Variants in ANKH observed in about 807,000 individuals in gnomAD.
ANKH encodes mineralization regulator ANKH.
In ANKH, 15 loss-of-function variants were observed where a neutral mutation model predicts 49.0. That is an observed-to-expected ratio of 0.31 (90% CI 0.20 to 0.47). ANKH has a LOEUF of 0.47. Among genes scored for constraint, ANKH ranks in the 20% least tolerant of loss-of-function variants. ANKH has a pLI of 1.00. For synonymous variants in ANKH, 273 were observed against 260.0 expected (o/e 1.05, Z -0.48); for missense variants, 429 against 652.0 (o/e 0.66, Z 3.72).
chr5:14,724,334 C>CAAA lies in ANKH; in HGVS notation c.1012-7502_1012-7500dup, dbSNP rs35868498. 5.3e-5 allele frequency among the ~76,000 whole-genome samples: 8 copies of CAAA among 151,960 alleles called. No individual in the cohort carries two copies. In the East Asian group the frequency reaches 1.5e-3, roughly 29 times the overall value. The stretch of plus-strand genomic sequence containing the variant: ...CTCTGTCTCAAAACAACAACAACAA[C>CAAA]AAAATCACATAAAAAACCCCAAAAC... On this transcript the variant is annotated intron_variant, in intron 8 of 11. Transcript: ENST00000284268.
In ANKH at chr5:14,713,191, C is replaced by T. The variant is rs1017781037; in HGVS notation, c.1266-218G>A. On this transcript the variant is annotated intron_variant, in intron 10 of 11. Coordinates refer to ENST00000284268, the MANE Select transcript of ANKH (RefSeq NM_054027.6). The surrounding 1 kb of genome is among the most constrained non-coding windows in gnomAD (Gnocchi z 4.4). ...ACCTCCCTCCCACAGCACATGGATC[C>T]CACAGCCCTTCCCACCCTCCCCAGG... is the stretch of plus-strand genomic sequence containing the variant. 6.6e-6 allele frequency among the ~76,000 whole-genome samples: 1 copy of T among 152,160 alleles called. No individual in the cohort carries two copies. The highest frequency in any genetic ancestry group is 1.5e-5 in the Non-Finnish European group (1 of 68,018).
chr5:14,831,603 G>A (rs1490214991), intron 1 of ANKH, among the ~76,000 whole-genome samples: 1 of 152,064 alleles, frequency 6.6e-6, no homozygotes, highest in Non-Finnish European at 1.5e-5. Flanking sequence ...ATGCTCAAGG[G>A]GGGCCCTGCA....
intron 8 of ANKH, among the ~76,000 whole-genome samples, chr5:14,734,799 T>C (rs573560333): frequency 1.3e-4 from 20 of 152,240 alleles, no homozygotes; most frequent in African/African-American, 4.8e-4. Flanking sequence ...TACGTTCAAC[T>C]GAAAAATGAG....
At chr5:14,798,490 TA>T (rs1740462884) in intron 1 of ANKH, 8 of 894,892 alleles carry the variant, frequency 8.9e-6, no homozygotes, top group Admixed American at 3.9e-5. Flanking sequence ...ACGCGGTCTC[TA>T]TTTTTTTTTT....
chr5:14,813,317 T>C (rs1175987613), intron 1 of ANKH, among the ~76,000 whole-genome samples: 7 of 152,078 alleles, frequency 4.6e-5, no homozygotes, highest in Non-Finnish European at 1.0e-4. Flanking sequence ...GGTTTTGGAA[T>C]GATACAGGAT....
At chr5:14,823,677 A>T (rs1741258353) in intron 1 of ANKH, among the ~76,000 whole-genome samples, 1 of 152,242 alleles carries the variant, frequency 6.6e-6, no homozygotes, top group Non-Finnish European at 1.5e-5. Context: ...CTGTAATCCC[A>T]GCATTTTGGG....
In ANKH at chr5:14,708,719, C is replaced by G. The variant is rs1479757099; in HGVS notation, c.*2478G>C. 1.3e-5 allele frequency: 2 copies of G among 152,200 alleles called. No homozygotes were observed. Among genetic ancestry groups the G allele is most frequent in the Non-Finnish European group, 1.5e-5 (1 of 68,044 alleles). The allele number at this position is 152,200 out of a possible 1,614,324, so 9.4% of individuals were successfully genotyped here. Reference sequence around the variant, plus strand: ...AGGTGAAAGGTTTGAACAAGTCCTGCCAAATCAGCTCCATTGTGGTGGCCT... The same window carrying G: ...AGGTGAAAGGTTTGAACAAGTCCTGGCAAATCAGCTCCATTGTGGTGGCCT... On this transcript the variant is annotated 3_prime_UTR_variant, in exon 12 of 12. Coordinates refer to ENST00000284268, the MANE Select transcript of ANKH (RefSeq NM_054027.6).
intron 2 of ANKH, among the ~76,000 whole-genome samples, chr5:14,760,713 C>T (rs1739047765): frequency 6.6e-6 from 1 of 152,184 alleles, no homozygotes; most frequent in Admixed American, 6.5e-5. Context: ...GAACACAATG[C>T]CAAGTGCAAG....
intron 1 of ANKH, among the ~76,000 whole-genome samples, chr5:14,857,910 C>T (rs577244707): frequency 9.2e-5 from 14 of 152,206 alleles, no homozygotes; most frequent in African/African-American, 1.9e-4. Context: ...GGTGTGGGGC[C>T]GCTCTGCAGA....
intron 1 of ANKH, among the ~76,000 whole-genome samples, chr5:14,786,730 G>C (rs1306118057): frequency 6.6e-6 from 1 of 152,246 alleles, no homozygotes; most frequent in Non-Finnish European, 1.5e-5. Flanking sequence ...GGGTGTGTAA[G>C]CTGCTATAAT....
At position 14,736,006 on chromosome 5, in the gene ANKH, CTTTTTTTTTTTTTT is replaced by C. The variant is rs540010631; in HGVS notation, c.1011+5807_1011+5820del. ...AGAAAGATCCAGAGTAAAAACCTAA[CTTTTTTTTTTTTTT>C]TTTTTTTTTTTTTTTTTTAAAGAAT... On this transcript the variant is annotated intron_variant, in intron 8 of 11. Transcript: ENST00000284268. 2.9e-3 allele frequency among the ~76,000 whole-genome samples: 244 copies of C among 83,684 alleles called. 1 individual carries two copies. The highest frequency in any genetic ancestry group is 9.4e-3 in the African/African-American group (162 of 17,216). 54.9% of individuals were successfully genotyped at this position (83,684 alleles called of 152,430 possible). A position where few individuals can be genotyped will look rare whatever the true frequency, so the allele number is the denominator to read the frequency against.
At chr5:14,781,049 C>T (rs1238029916) in intron 1 of ANKH, among the ~76,000 whole-genome samples, 4 of 152,218 alleles carry the variant, frequency 2.6e-5, no homozygotes, top group Non-Finnish European at 1.5e-5. Flanking sequence ...TCAGCAATTT[C>T]GGATTTTGGT....
At chr5:14,823,956 T>C (rs1400835462) in intron 1 of ANKH, among the ~76,000 whole-genome samples, 1 of 151,954 alleles carries the variant, frequency 6.6e-6, no homozygotes, top group African/African-American at 2.4e-5. Flanking sequence ...AACAAATCTT[T>C]CTTTCTCCCT....
At chr5:14,810,703 C>A (rs1380603235) in intron 1 of ANKH, among the ~76,000 whole-genome samples, 3 of 152,178 alleles carry the variant, frequency 2.0e-5, no homozygotes, top group African/African-American at 7.2e-5. Context: ...TGTTTAACTT[C>A]TACCTTCTGT....
intron 8 of ANKH, among the ~76,000 whole-genome samples, chr5:14,727,026 T>A (rs1446268685): frequency 6.6e-6 from 1 of 152,174 alleles, no homozygotes; most frequent in African/African-American, 2.4e-5. Flanking sequence ...GGGATGATGA[T>A]GATGACCATC....
chr5:14,757,432 T>TATATA (rs1320876753), intron 3 of ANKH, among the ~76,000 whole-genome samples: 2,924 of 108,016 alleles, frequency 0.027, 32 homozygotes, highest in African/African-American at 0.056. Flanking sequence ...ATATATATAT[T>TATATA]TTTTTTTTTT....
intron 1 of ANKH, among the ~76,000 whole-genome samples, chr5:14,805,445 GTGTA>G (rs1365882209): frequency 2.2e-4 from 20 of 92,460 alleles, no homozygotes; most frequent in Middle Eastern, 5.0e-3. Flanking sequence ...ATATGTGTGT[GTGTA>G]TATATATATG....
intron 4 of ANKH, 22 bp downstream of exon 4, chr5:14,755,839 T>C: frequency 1.2e-6 from 2 of 1,607,964 alleles, no homozygotes; most frequent in East Asian, 2.2e-5. Flanking sequence ...GGAGCTCTGA[T>C]TGACACACAG....
intron 1 of ANKH, among the ~76,000 whole-genome samples, chr5:14,849,482 G>A (rs924190637): frequency 2.6e-5 from 4 of 152,144 alleles, no homozygotes; most frequent in East Asian, 1.9e-4. Context: ...CAGGGAGGGC[G>A]GGAAGGTGAG....
Sources: gnomAD v4.1 joint callset for allele counts (sites outside exome capture counted in the v4.1 genomes callset) on GRCh38, gnomAD v4.1.1 for gene constraint, Gnocchi (gnomAD v3.1) non-coding constraint, MANE v1.5 for transcripts, NCBI Gene and HGNC (gene_info 2026-07-23, HGNC 2026-07-21) for gene names.